NOD2: variants seen among roughly 807,000 people sequenced by gnomAD.
The protein encoded by NOD2 is nucleotide-binding oligomerization domain-containing protein 2.
Under a neutral mutation model 90.9 loss-of-function variants are expected in NOD2, and 86 were observed. The observed-to-expected ratio is 0.95, with a 90% CI of 0.79 to 1.13. The LOEUF (loss-of-function observed/expected upper bound fraction) is 1.13, where lower values mean the gene tolerates loss of function less well. Among genes scored for constraint, NOD2 ranks in the 50% most tolerant of loss-of-function variants. The probability of loss-of-function intolerance (pLI) is 0.00; values close to 1 mark genes in which losing one functional copy is unlikely to be tolerated. For synonymous variants in NOD2, 581 were observed against 554.6 expected, an observed-to-expected ratio of 1.05 and a Z score of -0.67; for missense variants, 1,238 against 1,283.8, an observed-to-expected ratio of 0.96 and a Z score of 0.55.
At chr16:50,720,255 C>T (rs1053034713) in intron 7 of NOD2, among the ~76,000 whole-genome samples, 7 of 152,250 alleles carry the variant, frequency 4.6e-5, no homozygotes, top group African/African-American at 1.2e-4. Context: ...GACAGGAAGC[C>T]CTCTGATCCT....
chr16:50,711,426 G>A lies in NOD2; in HGVS notation c.1434G>A (p.Gly478=), dbSNP rs769034739. ...AGGAACTGTTGCTGCAGGAGGGGGG[G>A]TCCCCAAAGACCACTACAGATATGT... ...CHQELLLQEG[G]SPKTTTDMYL... is the part of the protein sequence containing the mutation. The change falls in exon 4 of 12, where the codon GGG becomes GGA. Residue 478 remains glycine (G), a synonymous_variant. Coordinates refer to ENST00000647318, the MANE Select transcript of NOD2 (RefSeq NM_001370466.1). The A allele has an allele frequency of 1.5e-5, 25 of 1,613,528 alleles. No individual in the cohort carries two copies. Among genetic ancestry groups the A allele is most frequent in the South Asian group, 4.4e-5 (4 of 91,086 alleles).
At chr16:50,727,589 A>G (rs1965311072) in intron 10 of NOD2, 1 of 291,268 alleles carries the variant, frequency 3.4e-6, no homozygotes, top group South Asian at 3.4e-5. Context: ...TTTTTCCTGC[A>G]GAAAGTTGTC....
rs1442672061 is a variant in NOD2, at chr16:50,729,909, C to T, written c.2969+8C>T. ...CACCATCCTGGAAGTCTGGTAAGGC[C>T]CCTGGGCAGGCCTGTTTTAGCTCTC... On this transcript the variant is annotated splice_region_variant and intron_variant, in intron 11 of 11. Transcript: ENST00000647318. The T allele has an allele frequency of 6.2e-7, 1 of 1,610,206 alleles. No individual in the cohort carries two copies. The highest frequency in any genetic ancestry group is 8.5e-7 in the Non-Finnish European group (1 of 1,176,870).
intron 4 of NOD2, among the ~76,000 whole-genome samples, chr16:50,714,705 T>A (rs959755175): frequency 6.6e-6 from 1 of 151,558 alleles, no homozygotes; most frequent in Non-Finnish European, 1.5e-5. Flanking sequence ...CACAGGCTCC[T>A]CTCCCACAGT....
chr16:50,698,740 A>T (rs983183811), intron 1 of NOD2, among the ~76,000 whole-genome samples: 1 of 151,748 alleles, frequency 6.6e-6, no homozygotes, highest in Admixed American at 6.6e-5. Context: ...AGTGGCTGGG[A>T]GGGTTCAGTG....
intron 6 of NOD2, 148 bp downstream of exon 6, chr16:50,717,122 C>T: frequency 1.3e-6 from 1 of 746,468 alleles, no homozygotes; most frequent in East Asian, 2.6e-5. Context: ...AGCAGGGGTT[C>T]TCTAATGCTG....
intron 4 of NOD2, 57 bp from the exon 5 acceptor site, chr16:50,716,530 G>A (rs1964800296): frequency 6.7e-7 from 1 of 1,497,658 alleles, no homozygotes; most frequent in Non-Finnish European, 9.2e-7. Context: ...GGGATTTGTA[G>A]ATTTTTTTCT....
intron 1 of NOD2, among the ~76,000 whole-genome samples, chr16:50,698,455 C>T (rs796814264): frequency 1.6e-4 from 24 of 152,274 alleles, no homozygotes; most frequent in African/African-American, 5.3e-4. Context: ...TAGTTTGCAC[C>T]GTAATTTTTC....
chr16:50,722,113 CAG>C (rs1965086324), intron 7 of NOD2, among the ~76,000 whole-genome samples: 1 of 152,132 alleles, frequency 6.6e-6, no homozygotes, highest in Non-Finnish European at 1.5e-5. Context: ...TACAGTGAGT[CAG>C]AGGAGGATGG....
At position 50,719,942 on chromosome 16, in the gene NOD2, T is replaced by A. The variant is rs776394582; in HGVS notation, c.2567T>A (p.Ile856Asn). The A allele has an allele frequency of 1.9e-6, 3 of 1,614,182 alleles. No homozygotes were observed. Among genetic ancestry groups the A allele is most frequent in the East Asian group, 2.2e-5 (1 of 44,878 alleles). ...CCTTCCAGGCTGGGGAATAACTACA[T>A]CACTGCCGCGGGAGCCCAAGTGCTG... is the stretch of plus-strand genomic sequence containing the variant. The part of the protein sequence containing the change: ...FLALRLGNNY[I>N]TAAGAQVLAE... Residue 856 changes from isoleucine to asparagine, a missense_variant, in exon 7 of 12, where the codon ATC (isoleucine) becomes AAC (asparagine). Around this residue, in one of 3 missense-constraint regions of NOD2, gnomAD observed 667 missense variants for 688.7 expected, o/e 0.97. Coordinates refer to ENST00000647318, the MANE Select transcript of NOD2 (RefSeq NM_001370466.1).
intron 2 of NOD2, among the ~76,000 whole-genome samples, chr16:50,700,262 C>T (rs1362890288): frequency 1.3e-5 from 2 of 152,136 alleles, no homozygotes; most frequent in African/African-American, 2.4e-5. Flanking sequence ...GCTGGGACTA[C>T]GGCTGCTGTA....
At chr16:50,730,246 T>C (rs1038655005) in intron 11 of NOD2, among the ~76,000 whole-genome samples, 1 of 152,222 alleles carries the variant, frequency 6.6e-6, no homozygotes, top group Non-Finnish European at 1.5e-5. Flanking sequence ...GTCAAGGATA[T>C]TGGATCAGAC....
intron 3 of NOD2, among the ~76,000 whole-genome samples, chr16:50,709,114 G>T (rs998108675): frequency 2.6e-5 from 4 of 152,128 alleles, no homozygotes; most frequent in African/African-American, 7.2e-5. Context: ...CAGAAATCAG[G>T]TCGGAAGAGG....
intron 4 of NOD2, chr16:50,713,051 GC>G (rs1964611957): frequency 6.4e-6 from 1 of 155,150 alleles, no homozygotes; most frequent in Non-Finnish European, 1.4e-5. Flanking sequence ...GTGAGGTTTT[GC>G]CCTTTGGAGA....
rs765123802 is a variant in NOD2, at chr16:50,731,864, G to A, written c.*45G>A. The stretch of plus-strand genomic sequence containing the variant: ...GTCTCAGTTTGTTTGTGAGCAGGCT[G>A]TGAGTTTGGGCCCCAGAGGCTGGGT... On this transcript the variant is annotated 3_prime_UTR_variant, in exon 12 of 12. Coordinates refer to ENST00000647318, the MANE Select transcript of NOD2 (RefSeq NM_001370466.1). The A allele has an allele frequency of 4.1e-6, 6 of 1,460,310 alleles. No homozygotes were observed. Among genetic ancestry groups the A allele is most frequent in the Non-Finnish European group, 4.8e-6 (5 of 1,041,516 alleles). The allele number at this position is 1,460,310 out of a possible 1,614,324, so 90.5% of individuals were successfully genotyped here.
Position 50,723,365 on chromosome 16 carries a change from G to T in NOD2, c.2782G>T (p.Val928Phe). Residue 928 changes from valine (V) to phenylalanine (F), a missense_variant, in exon 9 of 12, where the codon GTC becomes TTC. Transcript: ENST00000647318. ...CTTGGCACTGATGCTGGCAAAGAAC[G>T]TCATGCTAGAAGAACTCTGGTGAGT... ...QALALMLAKN[V>F]MLEELCLEEN... is the part of the protein sequence containing the mutation. 1 of 1,613,790 alleles carries T rather than the reference G, an allele frequency of 6.2e-7. No homozygotes were observed. Among genetic ancestry groups the T allele is most frequent in the African/African-American group, 1.3e-5 (1 of 75,012 alleles).
intron 6 of NOD2, among the ~76,000 whole-genome samples, chr16:50,717,479 G>A (rs1235096787): frequency 6.6e-6 from 1 of 152,164 alleles, no homozygotes; most frequent in Non-Finnish European, 1.5e-5. Flanking sequence ...CCTACCTGAT[G>A]CCTTTAAATT....
intron 4 of NOD2, 141 bp from the exon 5 acceptor site, chr16:50,716,446 G>A: frequency 1.3e-6 from 1 of 791,720 alleles, no homozygotes; most frequent in Non-Finnish European, 2.1e-6. Context: ...CACTTTTTTG[G>A]GGTGCTCCAT....
Position 50,699,835 on chromosome 16 carries a change from A to C in NOD2, c.340A>C (p.Ile114Leu). 6.2e-7 allele frequency: 1 copy of C among 1,613,576 alleles called. No homozygotes were observed. Among genetic ancestry groups the C allele is most frequent in the African/African-American group, 1.3e-5 (1 of 75,040 alleles). ...AGACCTGCAGAGTCACCGGCCAGCC[A>C]TTGTCAGGAGGCTCCACAGCCATGT... The part of the protein sequence containing the change: ...ARDLQSHRPA[I>L]VRRLHSHVEN... Residue 114 changes from isoleucine (I) to leucine (L), a missense_variant, in exon 2 of 12, where the codon ATT becomes CTT. Around this residue, in one of 3 missense-constraint regions of NOD2, gnomAD observed 567 missense variants for 577.3 expected, o/e 0.98. Transcript: ENST00000647318.
Sources: gnomAD v4.1 joint callset for allele counts (sites outside exome capture counted in the v4.1 genomes callset) on GRCh38, gnomAD v4.1.1 for gene constraint, gnomAD v4.1.1 regional missense constraint, MANE v1.5 for transcripts, NCBI Gene and HGNC (gene_info 2026-07-23, HGNC 2026-07-21) for gene names.